GRIA4: variants seen among roughly 807,000 people sequenced by gnomAD.
GRIA4 encodes the protein glutamate ionotropic receptor AMPA type subunit 4.
A neutral mutation model predicts 104.0 loss-of-function variants in GRIA4; 34 were observed. The ratio of observed to expected loss-of-function variants is 0.33; its 90% CI spans 0.25 to 0.44. The LOEUF is 0.44. Among genes scored for constraint, GRIA4 ranks in the 20% least tolerant of loss-of-function variants. The pLI, the probability that GRIA4 is intolerant of heterozygous loss-of-function variation, is 1.00. For missense variants in GRIA4, 750 were observed against 1,096.5 expected (o/e 0.68, Z 4.46); for synonymous variants, 386 against 381.9 (o/e 1.01, Z -0.13).
chr11:105,966,834 A>C (rs1331393848), intron 14 of GRIA4, among the ~76,000 whole-genome samples: 1 of 152,130 alleles, frequency 6.6e-6, no homozygotes, highest in Non-Finnish European at 1.5e-5. Flanking sequence ...TGGATGGGAA[A>C]TTTCTCACCC....
At chr11:105,841,759 G>A (rs542367067) in intron 4 of GRIA4, among the ~76,000 whole-genome samples, 2 of 152,136 alleles carry the variant, frequency 1.3e-5, no homozygotes, top group African/African-American at 4.8e-5. Context: ...GAGCACCTGA[G>A]TCCAAAATCA....
intron 5 of GRIA4, among the ~76,000 whole-genome samples, chr11:105,878,262 C>A (rs949070982): frequency 6.6e-6 from 1 of 152,160 alleles, no homozygotes; most frequent in Non-Finnish European, 1.5e-5. Flanking sequence ...ATAGCAAAGA[C>A]TGATGCTTGT....
chr11:105,661,280 TAGAA>T (rs1565443924), intron 3 of GRIA4, among the ~76,000 whole-genome samples: 1 of 151,546 alleles, frequency 6.6e-6, no homozygotes, highest in Non-Finnish European at 1.5e-5. Context: ...TTGATATACA[TAGAA>T]AGAGAAGTAT....
intron 14 of GRIA4, among the ~76,000 whole-genome samples, chr11:105,955,821 G>A (rs1248441630): frequency 6.6e-6 from 1 of 152,120 alleles, no homozygotes; most frequent in Non-Finnish European, 1.5e-5. Context: ...TCTGACTGGC[G>A]TGAGATGGTG....
intron 3 of GRIA4, among the ~76,000 whole-genome samples, chr11:105,687,387 G>A (rs898014745): frequency 2.6e-5 from 4 of 152,186 alleles, no homozygotes; most frequent in African/African-American, 9.6e-5. Flanking sequence ...CTATGTGCCA[G>A]ATTCTACTGC....
At chr11:105,975,846 A>G (rs971422957) in intron 16 of GRIA4, among the ~76,000 whole-genome samples, 3 of 152,102 alleles carry the variant, frequency 2.0e-5, no homozygotes, top group Admixed American at 6.5e-5. Flanking sequence ...ATCAAGATCT[A>G]ATTGCTTTCA....
intron 3 of GRIA4, among the ~76,000 whole-genome samples, chr11:105,735,224 A>G (rs1344535984): frequency 2.0e-5 from 3 of 152,160 alleles, no homozygotes; most frequent in Non-Finnish European, 2.9e-5. Flanking sequence ...ATCAGAAAAA[A>G]AAAGAAAGAA....
chr11:105,891,949 A>G (rs1946468953), intron 6 of GRIA4, among the ~76,000 whole-genome samples: 1 of 152,058 alleles, frequency 6.6e-6, no homozygotes, highest in African/African-American at 2.4e-5. Context: ...TGTTATTGTA[A>G]TTGTTTTTGT....
intron 4 of GRIA4, among the ~76,000 whole-genome samples, chr11:105,811,521 A>T (rs1325460275): frequency 6.6e-6 from 1 of 151,836 alleles, no homozygotes; most frequent in Non-Finnish European, 1.5e-5. Context: ...TCTGGGGAGG[A>T]TTTTCTTAAT....
At chr11:105,954,257 G>A (rs1462811420) in intron 14 of GRIA4, among the ~76,000 whole-genome samples, 1 of 152,042 alleles carries the variant, frequency 6.6e-6, no homozygotes, top group Non-Finnish European at 1.5e-5. Context: ...AACAATAAAT[G>A]TTTTTCTAAG....
At chr11:105,943,437 A>C (rs1446716232) in intron 14 of GRIA4, among the ~76,000 whole-genome samples, 2 of 152,130 alleles carry the variant, frequency 1.3e-5, no homozygotes, top group Non-Finnish European at 2.9e-5. Flanking sequence ...TTTAGAACAA[A>C]ACTTCTATTT....
chr11:105,744,416 G>C (rs1170879269), intron 3 of GRIA4, among the ~76,000 whole-genome samples: 1 of 152,068 alleles, frequency 6.6e-6, no homozygotes, highest in African/African-American at 2.4e-5. Context: ...CCCAAACCAA[G>C]AAACAGTTAT....
Position 105,926,819 on chromosome 11 carries a change from C to A in GRIA4, c.1926C>A (p.Leu642=). The A allele has an allele frequency of 6.2e-7, 1 of 1,610,438 alleles. No individual in the cohort carries two copies. The highest frequency in any genetic ancestry group is 1.3e-5 in the African/African-American group (1 of 74,948). Residue 642 remains leucine, a synonymous_variant, in exon 13 of 17, where the codon CTC becomes CTA. Transcript: ENST00000282499. ...TTATATCATCTTATACTGCTAACCT[C>A]GCTGCTTTCCTGACGGTTGAGCGAA... The part of the protein sequence containing the change: ...LIIISSYTAN[L]AAFLTVERMV...
At chr11:105,665,895 C>T (rs1319630901) in intron 3 of GRIA4, among the ~76,000 whole-genome samples, 2 of 151,884 alleles carry the variant, frequency 1.3e-5, no homozygotes, top group Non-Finnish European at 2.9e-5. Context: ...AATCAAGAAA[C>T]ATTTATACTT....
At chr11:105,754,909 A>C (rs1374070472) in intron 4 of GRIA4, among the ~76,000 whole-genome samples, 2 of 152,158 alleles carry the variant, frequency 1.3e-5, no homozygotes, top group Non-Finnish European at 2.9e-5. Context: ...ATATTATGTA[A>C]ATTGTTCCTA....
At chr11:105,618,978 C>T (rs1950669977) in intron 3 of GRIA4, among the ~76,000 whole-genome samples, 1 of 151,650 alleles carries the variant, frequency 6.6e-6, no homozygotes, top group Non-Finnish European at 1.5e-5. Context: ...ACCTCGTTGA[C>T]AACTGCAGAG....
chr11:105,816,450 C>T (rs113096458), intron 4 of GRIA4, among the ~76,000 whole-genome samples: 5 of 152,178 alleles, frequency 3.3e-5, no homozygotes, highest in African/African-American at 9.6e-5. Flanking sequence ...CCTCACCCCT[C>T]GGTCTCTTGC....
rs1322388684 is a variant in GRIA4 at position 105,924,612 on chromosome 11, C to T, written c.1690C>T (p.Leu564=). Residue 564 remains leucine (L), a synonymous_variant, in exon 12 of 17, where the codon CTA becomes TTA. Transcript: ENST00000282499. ...AYIGVSVVLF[L]VSRFSPYEWH... is the part of the protein sequence containing the mutation. ...CATTGGTGTCAGCGTGGTCTTATTCCTAGTTAGTAGATTTAGTCCATATGA... is the reference window on the plus strand; with the variant it reads ...CATTGGTGTCAGCGTGGTCTTATTCTTAGTTAGTAGATTTAGTCCATATGA... 6.2e-7 allele frequency: 1 copy of T among 1,612,818 alleles called. No individual in the cohort carries two copies.
At position 105,612,045 on chromosome 11, in the gene GRIA4, C is replaced by T. The variant is rs1476977171; in HGVS notation, c.89-231C>T. ...GAGAAAGGAACATTCACTAAATGGT[C>T]TCAGAGGTCATTGTGAGCAAGACAC... On this transcript the variant is annotated intron_variant, in intron 2 of 16. Coordinates refer to ENST00000282499, the MANE Select transcript of GRIA4 (RefSeq NM_000829.4). Among the ~76,000 whole-genome samples the T allele has an allele frequency of 2.0e-5, 3 of 152,128 alleles. No homozygotes were observed. In the East Asian group the frequency reaches 5.8e-4, roughly 29 times the overall value.
Sources: gnomAD v4.1 joint callset for allele counts (sites outside exome capture counted in the v4.1 genomes callset) on GRCh38, gnomAD v4.1.1 for gene constraint, MANE v1.5 for transcripts, NCBI Gene and HGNC (gene_info 2026-07-23, HGNC 2026-07-21) for gene names.